Variants in LTBP1 observed in about 807,000 individuals in gnomAD.
LTBP1 encodes latent-transforming growth factor beta-binding protein 1.
A neutral mutation model predicts 207.6 loss-of-function variants in LTBP1; 129 were observed. The ratio of observed to expected loss-of-function variants is 0.62; its 90% CI spans 0.54 to 0.72. The LOEUF is 0.72. LTBP1 is among the 30% of genes least tolerant of loss of function. The pLI is 0.00. For synonymous variants in LTBP1, 963 were observed against 833.7 expected (o/e 1.16, Z -2.67); for missense variants, 2,281 against 2,217.2 (o/e 1.03, Z -0.58).
chr2:33,061,366 A>G (rs1230734292), intron 3 of LTBP1: 2 of 152,190 alleles, frequency 1.3e-5, no homozygotes, highest in East Asian at 1.9e-4. Flanking sequence ...ACTGAAATGT[A>G]CAAATCTTAC....
intron 8 of LTBP1, among the ~76,000 whole-genome samples, 176 bp downstream of exon 8, chr2:33,217,830 TC>T (rs1257462519): frequency 2.0e-5 from 3 of 152,218 alleles, no homozygotes; most frequent in African/African-American, 7.2e-5. Context: ...AGTTTTCATG[TC>T]AATTATTTTG....
chr2:33,064,567 A>G (rs943184334), intron 3 of LTBP1, among the ~76,000 whole-genome samples: 1 of 152,214 alleles, frequency 6.6e-6, no homozygotes. Flanking sequence ...CAGTTGAGGA[A>G]CCCTGAGCTT....
At chr2:32,951,337 A>C (rs943815251) in intron 2 of LTBP1, among the ~76,000 whole-genome samples, 1 of 152,222 alleles carries the variant, frequency 6.6e-6, no homozygotes, top group Non-Finnish European at 1.5e-5. Context: ...AGAAATAATT[A>C]TGTTTTTAAA....
Position 33,187,926 on chromosome 2 carries a change from C to G in LTBP1, c.1427-651C>G, listed in dbSNP as rs181086882. ...TGAGAAATTCAAAAATAATCAAATG[C>G]TTGATCTTTCTGATTAACATTTGAT... On this transcript the variant is annotated intron_variant, in intron 6 of 33. Transcript: ENST00000404816. 3.3e-3 allele frequency among the ~76,000 whole-genome samples: 507 copies of G among 152,154 alleles called. 4 individuals carry two copies. The highest frequency in any genetic ancestry group is 3.5e-3 in the Non-Finnish European group (237 of 67,998).
chr2:33,177,419 G>A (rs1047192383), intron 5 of LTBP1, among the ~76,000 whole-genome samples: 1 of 152,214 alleles, frequency 6.6e-6, no homozygotes, highest in African/African-American at 2.4e-5. Flanking sequence ...CAGGGCTGAA[G>A]TGGGCAGATC....
At chr2:33,287,876 C>G (rs1330179433) in intron 19 of LTBP1, among the ~76,000 whole-genome samples, 3 of 152,214 alleles carry the variant, frequency 2.0e-5, no homozygotes, top group Non-Finnish European at 4.4e-5. Flanking sequence ...TTTCATCACA[C>G]TGGCTGGACC....
intron 7 of LTBP1, among the ~76,000 whole-genome samples, chr2:33,209,705 G>A (rs577304739): frequency 1.3e-5 from 2 of 152,160 alleles, no homozygotes; most frequent in South Asian, 4.2e-4. Context: ...TCTCTTATCT[G>A]TAGGCTGAAT....
At chr2:33,345,057 A>G (rs918488764) in intron 25 of LTBP1, among the ~76,000 whole-genome samples, 1 of 152,158 alleles carries the variant, frequency 6.6e-6, no homozygotes, top group African/African-American at 2.4e-5. Context: ...TTGTGTTTGT[A>G]TTTATTATTT....
intron 3 of LTBP1, among the ~76,000 whole-genome samples, chr2:33,094,148 C>A (rs72793753): frequency 0.098 from 14,934 of 152,014 alleles, 824 homozygotes; most frequent in Non-Finnish European, 0.12. Context: ...ATTAATAGTT[C>A]TGCAAAACAA....
At chr2:33,052,943 C>T (rs563206477) in intron 3 of LTBP1, among the ~76,000 whole-genome samples, 8 of 150,820 alleles carry the variant, frequency 5.3e-5, no homozygotes, top group Non-Finnish European at 7.4e-5. Context: ...GGTGTGATCT[C>T]GGCTCACTGC....
rs116721593 is a variant in LTBP1, at chr2:33,038,898, C to T, written c.863+17692C>T. 4.7e-3 allele frequency among the ~76,000 whole-genome samples: 718 copies of T among 152,286 alleles called. 7 individuals are homozygous for T. Among genetic ancestry groups the T allele is most frequent in the African/African-American group, 0.017 (695 of 41,558 alleles). ...GTGAGCCTGGGAGATGTGTAGGATC[C>T]TCTGGGGCTGCTTCTCGCATCTCTG... On this transcript the variant is annotated intron_variant, in intron 3 of 33. Transcript: ENST00000404816.
At chr2:33,197,724 A>T (rs912360500) in intron 7 of LTBP1, among the ~76,000 whole-genome samples, 1 of 152,164 alleles carries the variant, frequency 6.6e-6, no homozygotes, top group African/African-American at 2.4e-5. Flanking sequence ...GCCAGATGGT[A>T]TGAAAAGGCC....
chr2:33,102,834 T>G (rs1343119536), intron 3 of LTBP1, among the ~76,000 whole-genome samples: 5 of 152,182 alleles, frequency 3.3e-5, no homozygotes, highest in Admixed American at 3.3e-4. Context: ...ATTGTCTGTA[T>G]GCAGTCTGTA....
At chr2:33,002,982 C>G (rs1002159034) in intron 2 of LTBP1, among the ~76,000 whole-genome samples, 5 of 152,156 alleles carry the variant, frequency 3.3e-5, no homozygotes, top group African/African-American at 1.2e-4. Flanking sequence ...CTGGCCTAGG[C>G]TGACCACTTT....
chr2:33,350,726 C>T lies in LTBP1; in HGVS notation c.4000+3216C>T, dbSNP rs146928173. ...AATGTCCATACCAGGCCACTCATCA[C>T]ATTTAAGAAGGTATGGATATGAAAT... is the stretch of plus-strand genomic sequence containing the variant. On this transcript the variant is annotated intron_variant, in intron 26 of 33. Transcript: ENST00000404816. Among the ~76,000 whole-genome samples, 37 of 143,668 alleles carry T rather than the reference C, an allele frequency of 2.6e-4. 1 individual carries two copies. The East Asian group carries it at 6.0e-3, about 23-fold the overall frequency. 94.3% of individuals were successfully genotyped at this position (143,668 alleles called of 152,430 possible). A position where few individuals can be genotyped will look rare whatever the true frequency, so the allele number is the denominator to read the frequency against.
intron 2 of LTBP1, among the ~76,000 whole-genome samples, chr2:32,978,434 TG>T (rs1682176297): frequency 6.6e-6 from 1 of 152,170 alleles, no homozygotes; most frequent in South Asian, 2.1e-4. Context: ...TTTTATCAAA[TG>T]TTTTTTCAGC....
rs1225344868 is a variant in LTBP1, at chr2:33,212,187, G to T, written c.1702-5365G>T. On this transcript the variant is annotated intron_variant, in intron 7 of 33. Transcript: ENST00000404816. The stretch of plus-strand genomic sequence containing the variant: ...AGTGTTCATACAGATGTGCACATAG[G>T]AAGGGTTGAAAAGTTATTTTCATGC... Among the ~76,000 whole-genome samples the T allele has an allele frequency of 2.0e-5, 3 of 152,232 alleles. No individual in the cohort carries two copies. The East Asian group carries it at 5.8e-4, about 29-fold the overall frequency.
At chr2:33,313,800 G>A (rs2094221519) in intron 23 of LTBP1, among the ~76,000 whole-genome samples, 1 of 152,202 alleles carries the variant, frequency 6.6e-6, no homozygotes, top group Admixed American at 6.5e-5. Context: ...CCCAATAGGA[G>A]TCAGGAACTC....
intron 31 of LTBP1, among the ~76,000 whole-genome samples, chr2:33,377,760 C>T (rs900083785): frequency 6.6e-6 from 1 of 152,156 alleles, no homozygotes; most frequent in African/African-American, 2.4e-5. Flanking sequence ...TTATAAAGAA[C>T]AGTTCTTCAT....
Sources: gnomAD v4.1 joint callset for allele counts (sites outside exome capture counted in the v4.1 genomes callset) on GRCh38, gnomAD v4.1.1 for gene constraint, MANE v1.5 for transcripts, NCBI Gene and HGNC (gene_info 2026-07-23, HGNC 2026-07-21) for gene names.